Variants in MAP2K1 observed in about 807,000 individuals in gnomAD.
MAP2K1 encodes mitogen-activated protein kinase kinase 1, also known as dual specificity mitogen-activated protein kinase kinase 1.
Under a neutral mutation model 46.3 loss-of-function variants are expected in MAP2K1, and 16 were observed. The ratio of observed to expected loss-of-function variants is 0.35; its 90% CI spans 0.23 to 0.52. MAP2K1 has a LOEUF of 0.52. MAP2K1 is among the 20% of genes least tolerant of loss of function. The pLI is 0.94. For synonymous variants in MAP2K1, 183 were observed against 185.6 expected (o/e 0.99, Z 0.11); for missense variants, 263 against 497.1 (o/e 0.53, Z 4.48).
chr15:66,430,534 G>A lies in MAP2K1; in HGVS notation c.81-4493G>A, dbSNP rs116071234. ...CCTACCTCCTCCTGTCATTCCTTAGGCCAGCCTCTAAATTCAGTGACCATC... is the reference window on the plus strand; with the variant it reads ...CCTACCTCCTCCTGTCATTCCTTAGACCAGCCTCTAAATTCAGTGACCATC... On this transcript the variant is annotated intron_variant, in intron 1 of 10. Transcript: ENST00000307102. Among the ~76,000 whole-genome samples, 1,188 of 152,164 alleles carry A rather than the reference G, an allele frequency of 7.8e-3. 13 individuals carry two copies. Among genetic ancestry groups the A allele is most frequent in the African/African-American group, 0.027 (1,113 of 41,520 alleles).
At chr15:66,440,940 C>T (rs1283312149) in intron 3 of MAP2K1, among the ~76,000 whole-genome samples, 3 of 152,026 alleles carry the variant, frequency 2.0e-5, no homozygotes, top group Non-Finnish European at 4.4e-5. Flanking sequence ...GGAAGAGAGC[C>T]AATGTTTCCT....
At chr15:66,407,589 A>G (rs1255526993) in intron 1 of MAP2K1, among the ~76,000 whole-genome samples, 1 of 152,180 alleles carries the variant, frequency 6.6e-6, no homozygotes, top group African/African-American at 2.4e-5. Context: ...ATGGGTTACC[A>G]CTCAGCATGC....
intron 1 of MAP2K1, among the ~76,000 whole-genome samples, chr15:66,408,842 C>T (rs542514875): frequency 6.6e-6 from 1 of 152,232 alleles, no homozygotes; most frequent in African/African-American, 2.4e-5. Flanking sequence ...CATCACAGAC[C>T]TCTCCTCCAC....
chr15:66,454,746 G>A (rs1227667954), intron 5 of MAP2K1, among the ~76,000 whole-genome samples: 1 of 152,066 alleles, frequency 6.6e-6, no homozygotes, highest in Non-Finnish European at 1.5e-5. Context: ...AGCTCGGCGT[G>A]GTGCCGTGCG....
intron 8 of MAP2K1, among the ~76,000 whole-genome samples, chr15:66,488,220 C>T (rs1893115134): frequency 6.6e-6 from 1 of 152,222 alleles, no homozygotes; most frequent in Non-Finnish European, 1.5e-5. Flanking sequence ...GGTCTCCTCT[C>T]TTCCTTGAAT....
chr15:66,457,320 A>G (rs893914591), intron 5 of MAP2K1, among the ~76,000 whole-genome samples: 1 of 152,078 alleles, frequency 6.6e-6, no homozygotes, highest in African/African-American at 2.4e-5. Context: ...GGGTTTCCCT[A>G]TGTTGCCCAG....
At position 66,420,451 on chromosome 15, in the gene MAP2K1, G is replaced by A. The variant is rs188815409; in HGVS notation, c.81-14576G>A. On this transcript the variant is annotated intron_variant, in intron 1 of 10. Transcript: ENST00000307102. ...GCATGGTGGCCCAGCTACCCCAAACGCTGAGGTGGGAGGATCACCTGAGCC... is the reference window on the plus strand; with the variant it reads ...GCATGGTGGCCCAGCTACCCCAAACACTGAGGTGGGAGGATCACCTGAGCC... 3.1e-3 allele frequency among the ~76,000 whole-genome samples: 476 copies of A among 151,252 alleles called. 4 individuals are homozygous for A. The highest frequency in any genetic ancestry group is 0.011 in the African/African-American group (459 of 41,156).
chr15:66,447,236 T>A (rs1891894328), intron 5 of MAP2K1, among the ~76,000 whole-genome samples: 1 of 151,878 alleles, frequency 6.6e-6, no homozygotes, highest in South Asian at 2.1e-4. Flanking sequence ...ACGTCCCCCT[T>A]CTCTCCCCTA....
At chr15:66,484,851 A>ATCTC in intron 6 of MAP2K1, 139 bp from the exon 7 acceptor site, 1 of 800,314 alleles carries the variant, frequency 1.2e-6, no homozygotes, top group Admixed American at 1.7e-5. Flanking sequence ...GGGGGTAGGC[A>ATCTC]GGAGGCCAAA....
intron 1 of MAP2K1, among the ~76,000 whole-genome samples, chr15:66,415,593 T>C (rs1025206570): frequency 1.3e-5 from 2 of 152,194 alleles, no homozygotes; most frequent in African/African-American, 4.8e-5. Flanking sequence ...GCTGCTGTGG[T>C]GTTCAAATTC....
At chr15:66,456,028 G>A (rs915387285) in intron 5 of MAP2K1, among the ~76,000 whole-genome samples, 1 of 152,184 alleles carries the variant, frequency 6.6e-6, no homozygotes, top group African/African-American at 2.4e-5. Context: ...CATTCTGACA[G>A]TCATGGGTAG....
intron 3 of MAP2K1, among the ~76,000 whole-genome samples, chr15:66,442,130 G>A (rs1567011443): frequency 6.6e-6 from 1 of 152,178 alleles, no homozygotes; most frequent in African/African-American, 2.4e-5. Flanking sequence ...CCCCATTCAT[G>A]TCATCTCATC....
At chr15:66,466,870 T>C (rs1036220024) in intron 5 of MAP2K1, among the ~76,000 whole-genome samples, 1 of 152,196 alleles carries the variant, frequency 6.6e-6, no homozygotes, top group African/African-American at 2.4e-5. Flanking sequence ...CAGCTCTCCA[T>C]GAGTCATGAA....
chr15:66,481,949 C>T lies in MAP2K1; in HGVS notation c.693+70C>T, dbSNP rs1413986740. ...GGAGAGGAGCCCAGTGGGTGCCTTTCCTGTGGAGCCAGAGTCTTGTGCTGG... is the reference window on the plus strand; with the variant it reads ...GGAGAGGAGCCCAGTGGGTGCCTTTTCTGTGGAGCCAGAGTCTTGTGCTGG... On this transcript the variant is annotated intron_variant, in intron 6 of 10. Transcript: ENST00000307102. The T allele has an allele frequency of 9.0e-6, 14 of 1,562,626 alleles. No homozygotes were observed. The Admixed American group carries it at 2.6e-4, about 29-fold the overall frequency.
chr15:66,406,539 C>G (rs141239785), intron 1 of MAP2K1, among the ~76,000 whole-genome samples: 59 of 152,252 alleles, frequency 3.9e-4, no homozygotes, highest in African/African-American at 1.4e-3. Flanking sequence ...AACTAACAGA[C>G]TCATGGTTTA....
At chr15:66,401,550 C>T (rs939373001) in intron 1 of MAP2K1, among the ~76,000 whole-genome samples, 2 of 152,086 alleles carry the variant, frequency 1.3e-5, no homozygotes, top group Non-Finnish European at 2.9e-5. Flanking sequence ...GTAGGTGACT[C>T]AAGATGAGTA....
intron 1 of MAP2K1, among the ~76,000 whole-genome samples, chr15:66,420,500 C>CTGTGA (rs2093435279): frequency 1.3e-5 from 2 of 151,596 alleles, no homozygotes. Context: ...CTGCAATGAG[C>CTGTGA]TGTGACTGCA....
chr15:66,401,201 A>G (rs1241988994), intron 1 of MAP2K1, among the ~76,000 whole-genome samples: 1 of 152,098 alleles, frequency 6.6e-6, no homozygotes, highest in African/African-American at 2.4e-5. Flanking sequence ...TAGGCTTGTA[A>G]ATGTTTTTGA....
intron 2 of MAP2K1, among the ~76,000 whole-genome samples, chr15:66,436,294 G>A (rs2093487883): frequency 6.6e-6 from 1 of 152,192 alleles, no homozygotes; most frequent in African/African-American, 2.4e-5. Context: ...GAAAATGTTA[G>A]GATGACATAA....
Sources: gnomAD v4.1 joint callset for allele counts (sites outside exome capture counted in the v4.1 genomes callset) on GRCh38, gnomAD v4.1.1 for gene constraint, MANE v1.5 for transcripts, NCBI Gene and HGNC (gene_info 2026-07-23, HGNC 2026-07-21) for gene names.